Variants in CRCP observed in about 807,000 individuals in gnomAD.
CRCP encodes CGRP receptor component.
A neutral mutation model predicts 18.5 loss-of-function variants in CRCP; 18 were observed. That is an observed-to-expected ratio of 0.97 (90% CI 0.67 to 1.44). The LOEUF (loss-of-function observed/expected upper bound fraction) is 1.44, where lower values mean the gene tolerates loss of function less well. Among genes scored for constraint, CRCP ranks in the 40% most tolerant of loss-of-function variants. The probability of loss-of-function intolerance (pLI) is 0.00; values close to 1 mark genes in which losing one functional copy is unlikely to be tolerated. For synonymous variants in CRCP, 53 were observed against 62.9 expected (o/e 0.84, Z 0.75); for missense variants, 130 against 176.4 (o/e 0.74, Z 1.49).
At chr7:66,131,190 G>A (rs1787792488) in intron 3 of CRCP, among the ~76,000 whole-genome samples, 1 of 152,044 alleles carries the variant, frequency 6.6e-6, no homozygotes, top group Non-Finnish European at 1.5e-5. Context: ...TAGCCAGGAT[G>A]GTCTCGATCT....
intron 3 of CRCP, among the ~76,000 whole-genome samples, 191 bp downstream of exon 3, chr7:66,131,033 G>A (rs1244561651): frequency 6.6e-6 from 1 of 152,142 alleles, no homozygotes; most frequent in African/African-American, 2.4e-5. Context: ...GGAATGCAGT[G>A]GTGTGATCTT....
At chr7:66,151,673 C>CTCTGTGTGTGTGTGTGTGTG (rs1484742797) in intron 5 of CRCP, among the ~76,000 whole-genome samples, 1 of 138,524 alleles carries the variant, frequency 7.2e-6, no homozygotes, top group Admixed American at 7.5e-5. Flanking sequence ...CCACTTCTCT[C>CTCTGTGTGTGTGTGTGTGTG]TGTGTGTGTG....
intron 2 of CRCP, among the ~76,000 whole-genome samples, chr7:66,129,972 A>G (rs949096721): frequency 6.6e-6 from 1 of 151,970 alleles, no homozygotes; most frequent in African/African-American, 2.4e-5. Context: ...GTTTGCTTCT[A>G]AAGATCCATA....
chr7:66,137,432 CT>C (rs1026232131), intron 4 of CRCP, among the ~76,000 whole-genome samples: 1 of 152,196 alleles, frequency 6.6e-6, no homozygotes, highest in African/African-American at 2.4e-5. Flanking sequence ...ATCTGTATGG[CT>C]TTTCCTTCTT....
chr7:66,152,312 G>T lies in CRCP; in HGVS notation c.402G>T (p.Lys134Asn). 1.2e-6 allele frequency: 2 copies of T among 1,614,142 alleles called. No homozygotes were observed. Among genetic ancestry groups the T allele is most frequent in the African/African-American group, 1.3e-5 (1 of 75,052 alleles). The change falls in exon 6 of 6, where the codon AAG becomes AAT. Residue 134 changes from lysine (K) to asparagine (N), a missense_variant. Transcript: ENST00000395326. ...LPAEPEAEQK[K>N]NTNSNVAMDE... ...CAGAGCCAGAGGCTGAGCAGAAGAA[G>T]AATACAAACAGCAATGTGGCAATGG...
At chr7:66,119,438 G>T (rs1787367070) in intron 1 of CRCP, among the ~76,000 whole-genome samples, 1 of 152,192 alleles carries the variant, frequency 6.6e-6, no homozygotes, top group Non-Finnish European at 1.5e-5. Flanking sequence ...AGGAGGTCTT[G>T]GGAACTGCAG....
intron 1 of CRCP, among the ~76,000 whole-genome samples, chr7:66,116,149 G>T (rs1346609593): frequency 6.6e-6 from 1 of 152,042 alleles, no homozygotes; most frequent in Non-Finnish European, 1.5e-5. Flanking sequence ...GAAATGAAAG[G>T]CTCATGAAAC....
chr7:66,127,791 G>A, intron 2 of CRCP, 51 bp downstream of exon 2: 2 of 1,588,968 alleles, frequency 1.3e-6, no homozygotes. Flanking sequence ...CTTCGCTCCT[G>A]AGATTGTTAA....
intron 1 of CRCP, among the ~76,000 whole-genome samples, chr7:66,116,211 G>T (rs1787257403): frequency 6.6e-6 from 1 of 152,002 alleles, no homozygotes; most frequent in Non-Finnish European, 1.5e-5. Context: ...TAATATGAAT[G>T]GGGCCAACCG....
intron 3 of CRCP, among the ~76,000 whole-genome samples, chr7:66,132,008 A>C (rs1426344669): frequency 9.4e-5 from 1 of 10,624 alleles, no homozygotes; most frequent in Non-Finnish European, 1.8e-4. Context: ...TGATCCGCCC[A>C]CCTCTGGCTC....
intron 5 of CRCP, among the ~76,000 whole-genome samples, chr7:66,151,600 G>A (rs7779258): frequency 0.036 from 5,470 of 151,444 alleles, 141 homozygotes; most frequent in Non-Finnish European, 0.055. Flanking sequence ...AGATGTGCTT[G>A]TGAAATATAA....
At chr7:66,143,503 C>G (rs1334901597) in intron 4 of CRCP, among the ~76,000 whole-genome samples, 1 of 152,146 alleles carries the variant, frequency 6.6e-6, no homozygotes, top group South Asian at 2.1e-4. Context: ...GGCTGTCCCT[C>G]CCATCCCTTT....
At chr7:66,140,949 A>G (rs1788118628) in intron 4 of CRCP, among the ~76,000 whole-genome samples, 1 of 152,194 alleles carries the variant, frequency 6.6e-6, no homozygotes, top group Non-Finnish European at 1.5e-5. Context: ...TTTAAAGCAG[A>G]CTGTAGTATT....
At chr7:66,118,405 A>G (rs763027127) in intron 1 of CRCP, among the ~76,000 whole-genome samples, 7 of 152,246 alleles carry the variant, frequency 4.6e-5, no homozygotes, top group Non-Finnish European at 1.0e-4. Context: ...AAGTTGCAAT[A>G]ATAAATGTAT....
intron 4 of CRCP, among the ~76,000 whole-genome samples, chr7:66,142,672 T>C (rs1257740279): frequency 6.6e-6 from 1 of 152,148 alleles, no homozygotes; most frequent in African/African-American, 2.4e-5. Context: ...TTTATTTTTA[T>C]TTTTTGTAAA....
chr7:66,135,921 C>CA (rs757639626), intron 4 of CRCP, among the ~76,000 whole-genome samples: 465 of 131,704 alleles, frequency 3.5e-3, no homozygotes, highest in African/African-American at 6.7e-3. Context: ...AACTCTGTCT[C>CA]AAAAAAAAAA....
chr7:66,138,512 G>A (rs1441324874), intron 4 of CRCP, among the ~76,000 whole-genome samples: 1 of 151,348 alleles, frequency 6.6e-6, no homozygotes, highest in Non-Finnish European at 1.5e-5. Context: ...TAGCCTGGGC[G>A]CGGTGGCTCA....
chr7:66,146,101 T>G (rs989257133), intron 5 of CRCP, among the ~76,000 whole-genome samples: 9 of 152,232 alleles, frequency 5.9e-5, no homozygotes, highest in African/African-American at 2.2e-4. Context: ...CACGCGGCTC[T>G]TGCGGTTATC....
At chr7:66,130,931 T>C (rs975058798) in intron 3 of CRCP, 89 bp downstream of exon 3, 15 of 775,906 alleles carry the variant, frequency 1.9e-5, no homozygotes, top group Non-Finnish European at 3.1e-5. Context: ...AAATTAAGAT[T>C]GCTTTTTATA....
Sources: gnomAD v4.1 joint callset for allele counts (sites outside exome capture counted in the v4.1 genomes callset) on GRCh38, gnomAD v4.1.1 for gene constraint, MANE v1.5 for transcripts, NCBI Gene and HGNC (gene_info 2026-07-23, HGNC 2026-07-21) for gene names.